Variants in UCN3 observed in about 807,000 individuals in gnomAD.
UCN3 encodes urocortin-3.
UCN3 carries 3 observed loss-of-function variants against 3.6 expected under a neutral mutation model. That is an observed-to-expected ratio of 0.83 (90% CI 0.38 to 2.15). The LOEUF (loss-of-function observed/expected upper bound fraction) is 2.15. Ranked by LOEUF, UCN3 falls within the 30% of genes most tolerant of loss-of-function variation. The probability of loss-of-function intolerance (pLI) is 0.06; values close to 1 mark genes in which losing one functional copy is unlikely to be tolerated. For synonymous variants in UCN3, 100 were observed against 93.2 expected (o/e 1.07, Z -0.42); for missense variants, 206 against 208.3 (o/e 0.99, Z 0.07).
At chr10:5,371,255 AGGT>A (rs1327879991) in intron 1 of UCN3, among the ~76,000 whole-genome samples, 1 of 145,116 alleles carries the variant, frequency 6.9e-6, no homozygotes, top group East Asian at 2.1e-4. Context: ...TGTATGTGTG[AGGT>A]GTGTGTGCGT....
At chr10:5,370,166 T>C (rs1372874810) in intron 1 of UCN3, among the ~76,000 whole-genome samples, 29 of 96,586 alleles carry the variant, frequency 3.0e-4, no homozygotes, top group African/African-American at 1.6e-3. Context: ...TGTGTGTATA[T>C]GTGTGTGTAT....
intron 1 of UCN3, among the ~76,000 whole-genome samples, chr10:5,370,769 GTGTATA>G (rs1831394172): frequency 7.2e-6 from 1 of 139,164 alleles, no homozygotes; most frequent in East Asian, 2.2e-4. Context: ...GTATATGCGT[GTGTATA>G]TGCGTGTGTG....
Position 5,374,531 on chromosome 10 carries a change from C to A in UCN3, c.*325C>A. ...GCAAAGTTCATGCATTCCTCCTCTC[C>A]AGTCTTCTCTCTGTTGACCCCATGC... On this transcript the variant is annotated 3_prime_UTR_variant, in exon 2 of 2. Coordinates refer to ENST00000380433, the MANE Select transcript of UCN3 (RefSeq NM_053049.4). 2 of 281,952 alleles carry A rather than the reference C, an allele frequency of 7.1e-6. No homozygotes were observed. Among genetic ancestry groups the A allele is most frequent in the Non-Finnish European group, 6.8e-6 (1 of 146,030 alleles). 17.5% of individuals were successfully genotyped at this position (281,952 alleles called of 1,614,324 possible). A position where few individuals can be genotyped will look rare whatever the true frequency, so the allele number is the denominator to read the frequency against.
At position 5,365,690 on chromosome 10, in the gene UCN3, C is replaced by T. The variant is rs1260422021; in HGVS notation, c.-7+460C>T. On this transcript the variant is annotated intron_variant, in intron 1 of 1. Transcript: ENST00000380433. The surrounding 1 kb of genome is among the most constrained non-coding windows in gnomAD (Gnocchi z 4.4). ...ACTGTTTACCTGTGCCACAAACCTT[C>T]ACCTGTGCCATCTCCCGTCACTCTC... 1.3e-5 allele frequency among the ~76,000 whole-genome samples: 2 copies of T among 152,198 alleles called. No homozygotes were observed. Among genetic ancestry groups the T allele is most frequent in the African/African-American group, 4.8e-5 (2 of 41,446 alleles).
intron 1 of UCN3, among the ~76,000 whole-genome samples, chr10:5,369,102 C>T (rs1831295891): frequency 6.6e-6 from 1 of 152,160 alleles, no homozygotes; most frequent in South Asian, 2.1e-4. Context: ...TTGAGAACCG[C>T]TTACTTAGAC....
rs1564444958 is a variant in UCN3, at chr10:5,374,083, C to T, written c.363C>T (p.Thr121=). ...TAKSPHRTKF[T]LSLDVPTNIM... is the part of the protein sequence containing the mutation. Reference sequence around the variant, plus strand: ...AGAGTCCCCACCGCACCAAGTTCACCCTGTCCCTCGACGTCCCCACCAACA... The same window carrying T: ...AGAGTCCCCACCGCACCAAGTTCACTCTGTCCCTCGACGTCCCCACCAACA... Residue 121 remains threonine (T), a synonymous_variant, in exon 2 of 2, where the codon ACC becomes ACT. Coordinates refer to ENST00000380433, the MANE Select transcript of UCN3 (RefSeq NM_053049.4). 1 of 1,613,628 alleles carries T rather than the reference C, an allele frequency of 6.2e-7. No homozygotes were observed. Among genetic ancestry groups the T allele is most frequent in the African/African-American group, 1.3e-5 (1 of 74,858 alleles).
Position 5,370,920 on chromosome 10 carries a change from C to CGTGTGTTTATGTGTGTGTATATGT in UCN3, c.-6-2789_-6-2788insTTATGTGTGTGTATATGTGTGTGT, listed in dbSNP as rs200495765. Among the ~76,000 whole-genome samples, 13 of 109,900 alleles carry CGTGTGTTTATGTGTGTGTATATGT rather than the reference C, an allele frequency of 1.2e-4. 1 individual carries two copies. The highest frequency in any genetic ancestry group is 3.1e-4 in the East Asian group (1 of 3,242). The allele number at this position is 109,900 out of a possible 152,430, so 72.1% of individuals were successfully genotyped here. A position where few individuals can be genotyped will look rare whatever the true frequency, so the allele number is the denominator to read the frequency against. ...GCGTGTGTATATGCGTGTGTATATGCGTGTGTATATGTGTGTTCATGTGTA... is the reference window on the plus strand; with the variant it reads ...GCGTGTGTATATGCGTGTGTATATGCGTGTGTTTATGTGTGTGTATATGTGTGTGTATATGTGTGTTCATGTGTA... On this transcript the variant is annotated intron_variant, in intron 1 of 1. Transcript: ENST00000380433.
intron 1 of UCN3, among the ~76,000 whole-genome samples, chr10:5,371,039 ATATG>A (rs1173540162): frequency 1.1e-4 from 16 of 148,406 alleles, no homozygotes; most frequent in Non-Finnish European, 1.6e-4. Flanking sequence ...GCATGTGTCT[ATATG>A]TATGTGTGTG....
In UCN3 at chr10:5,374,305, G is replaced by C; in HGVS notation, c.*99G>C. 1 of 1,038,600 alleles carries C rather than the reference G, an allele frequency of 9.6e-7. No homozygotes were observed. 64.3% of individuals were successfully genotyped at this position (1,038,600 alleles called of 1,614,324 possible). On this transcript the variant is annotated 3_prime_UTR_variant, in exon 2 of 2. Transcript: ENST00000380433. ...GGGAGGGGGAGGGTGCTGTCTGCTG[G>C]TTTGTGTTTTGTGGGATCAGTCAGT...
In UCN3 at chr10:5,372,845, G is replaced by T. The variant is rs371818645; in HGVS notation, c.-6-870G>T. Among the ~76,000 whole-genome samples the T allele has an allele frequency of 1.2e-4, 18 of 151,340 alleles. No individual in the cohort carries two copies. The East Asian group carries it at 2.2e-3, about 18-fold the overall frequency. ...GCTGGGATTACAGGTGTGAGCCACCGTGCCTGGCCAGTTTTTATTTTTCTT... is the reference window on the plus strand; with the variant it reads ...GCTGGGATTACAGGTGTGAGCCACCTTGCCTGGCCAGTTTTTATTTTTCTT... On this transcript the variant is annotated intron_variant, in intron 1 of 1. Transcript: ENST00000380433.
At chr10:5,370,310 C>CGT (rs1379330337) in intron 1 of UCN3, among the ~76,000 whole-genome samples, 18 of 6,800 alleles carry the variant, frequency 2.6e-3, no homozygotes, top group African/African-American at 4.6e-3. Flanking sequence ...TGTGTATATG[C>CGT]GTGTATGTGT....
At chr10:5,369,375 A>T (rs1264722985) in intron 1 of UCN3, among the ~76,000 whole-genome samples, 1 of 152,254 alleles carries the variant, frequency 6.6e-6, no homozygotes, top group Non-Finnish European at 1.5e-5. Context: ...TTGATTGAGC[A>T]TCTGCTCAGA....
At chr10:5,370,837 G>C (rs1388367008) in intron 1 of UCN3, among the ~76,000 whole-genome samples, 1 of 88,182 alleles carries the variant, frequency 1.1e-5, no homozygotes, top group Admixed American at 1.2e-4. Flanking sequence ...GCGTGTGTGT[G>C]CGCGTGTGTG....
intron 1 of UCN3, among the ~76,000 whole-genome samples, chr10:5,372,191 G>A (rs557714199): frequency 3.9e-5 from 6 of 152,312 alleles, no homozygotes; most frequent in South Asian, 2.1e-4. Flanking sequence ...GTGTGTGCCC[G>A]CAGACCAGGC....
intron 1 of UCN3, among the ~76,000 whole-genome samples, chr10:5,370,687 ATGTGTGTATATGTG>A (rs1831387283): frequency 2.5e-5 from 1 of 40,340 alleles, no homozygotes; most frequent in African/African-American, 8.8e-5. Context: ...GTGTGTGTGT[ATGTGTGTATATGTG>A]TGTGTATATG....
chr10:5,371,271 A>G (rs990007221), intron 1 of UCN3, among the ~76,000 whole-genome samples: 4 of 150,004 alleles, frequency 2.7e-5, no homozygotes, highest in Non-Finnish European at 5.9e-5. Context: ...GTGTGCGTGT[A>G]TGTGCATGTA....
At chr10:5,369,987 ATGTG>A (rs1205599484) in intron 1 of UCN3, among the ~76,000 whole-genome samples, 3 of 17,300 alleles carry the variant, frequency 1.7e-4, no homozygotes, top group Admixed American at 1.4e-3. Context: ...GCGTGTGTAT[ATGTG>A]TGTATGTGTG....
At position 5,366,794 on chromosome 10, in the gene UCN3, T is replaced by C. The variant is rs1243475263; in HGVS notation, c.-7+1564T>C. On this transcript the variant is annotated intron_variant, in intron 1 of 1. Coordinates refer to ENST00000380433, the MANE Select transcript of UCN3 (RefSeq NM_053049.4). This position sits in a 1 kb window ranked among gnomAD's most constrained non-coding sequence, Gnocchi z 4.2. Reference sequence around the variant, plus strand: ...TGTAACTTTGCATCATTGCTGATGGTAAGGGGACACCTTTCAATACCCTCA... The same window carrying C: ...TGTAACTTTGCATCATTGCTGATGGCAAGGGGACACCTTTCAATACCCTCA... 1.3e-5 allele frequency among the ~76,000 whole-genome samples: 2 copies of C among 152,106 alleles called. No homozygotes were observed. The highest frequency in any genetic ancestry group is 2.9e-5 in the Non-Finnish European group (2 of 68,018).
chr10:5,370,383 A>ATATGTGTGTG (rs1157000590), intron 1 of UCN3, among the ~76,000 whole-genome samples: 17,757 of 22,218 alleles, frequency 0.8, 7,613 homozygotes, highest in Middle Eastern at 0.88. Flanking sequence ...ATATGCGTGT[A>ATATGTGTGTG]TATGCGTGTG....
Sources: allele counts gnomAD v4.1 joint callset (sites outside exome capture counted in the v4.1 genomes callset), GRCh38; gene constraint gnomAD v4.1.1; non-coding constraint Gnocchi (gnomAD v3.1); transcripts MANE v1.5; gene names NCBI Gene and HGNC (gene_info 2026-07-23, HGNC 2026-07-21).